Variants in NOVA1 observed in about 807,000 individuals in gnomAD.
NOVA1 encodes RNA-binding protein Nova-1.
In NOVA1, 7 loss-of-function variants were observed where a neutral mutation model predicts 38.0. That is an observed-to-expected ratio of 0.18 (90% CI 0.10 to 0.35). NOVA1 has a LOEUF of 0.35. Ranked by LOEUF, NOVA1 falls within the 10% of genes least tolerant of loss-of-function variation. The pLI is 1.00. For missense variants in NOVA1, 460 were observed against 616.0 expected (o/e 0.75, Z 2.68); for synonymous variants, 270 against 232.5 (o/e 1.16, Z -1.47).
rs1881893974 is a variant in NOVA1 at position 26,444,165 on chromosome 14, G to T, written c.*3794C>A. ...CATTAAAATTTCCAAGGAAACATAG[G>T]GCCTGTAACGTAGGGATTCCATTCA... On this transcript the variant is annotated 3_prime_UTR_variant, in exon 5 of 5. Coordinates refer to ENST00000539517, the MANE Select transcript of NOVA1 (RefSeq NM_002515.3). 6.6e-6 allele frequency: 1 copy of T among 151,718 alleles called. No individual in the cohort carries two copies. Among genetic ancestry groups the T allele is most frequent in the African/African-American group, 2.4e-5 (1 of 41,300 alleles). The allele number at this position is 151,718 out of a possible 1,614,324, so 9.4% of individuals were successfully genotyped here.
Position 26,570,068 on chromosome 14 carries a change from C to G in NOVA1, c.280+25342G>C, listed in dbSNP as rs140267044. Among the ~76,000 whole-genome samples the G allele has an allele frequency of 9.2e-5, 14 of 152,138 alleles. No individual in the cohort carries two copies. The East Asian group carries it at 2.7e-3, about 29-fold the overall frequency. ...TTCAAATAAAAGTATAAACTAAGGC[C>G]GGATGCAGTGTCTCATGCCTGTAAT... is the stretch of plus-strand genomic sequence containing the variant. On this transcript the variant is annotated intron_variant, in intron 2 of 4. Coordinates refer to ENST00000539517, the MANE Select transcript of NOVA1 (RefSeq NM_002515.3).
At chr14:26,565,143 G>A (rs1478763167) in intron 2 of NOVA1, among the ~76,000 whole-genome samples, 1 of 152,216 alleles carries the variant, frequency 6.6e-6, no homozygotes. Context: ...GTTGGTCTTC[G>A]TCTCAGAAAG....
intron 2 of NOVA1, among the ~76,000 whole-genome samples, chr14:26,510,051 CAT>C (rs1393854707): frequency 2.0e-5 from 3 of 152,080 alleles, no homozygotes; most frequent in Admixed American, 2.0e-4. Context: ...CTTGAGAAAA[CAT>C]GTACCAATAG....
intron 2 of NOVA1, among the ~76,000 whole-genome samples, chr14:26,553,840 T>C (rs1891312218): frequency 6.6e-6 from 1 of 151,934 alleles, no homozygotes; most frequent in Non-Finnish European, 1.5e-5. Context: ...AGTACTCCTC[T>C]CCCGTCCTCA....
intron 2 of NOVA1, among the ~76,000 whole-genome samples, chr14:26,583,300 C>A (rs896248583): frequency 2.6e-5 from 4 of 151,560 alleles, no homozygotes; most frequent in African/African-American, 7.2e-5. Flanking sequence ...AACATGTATG[C>A]AACTCTTAGC....
chr14:26,490,389 T>TA (rs1306657451), intron 2 of NOVA1, among the ~76,000 whole-genome samples: 1 of 152,196 alleles, frequency 6.6e-6, no homozygotes, highest in Non-Finnish European at 1.5e-5. Context: ...TGTTGACTAA[T>TA]ATGGTAATTC....
intron 2 of NOVA1, among the ~76,000 whole-genome samples, chr14:26,500,662 A>T (rs1361956702): frequency 6.6e-6 from 1 of 152,036 alleles, no homozygotes; most frequent in Non-Finnish European, 1.5e-5. Context: ...TTGGAAAAAT[A>T]TGACCATATT....
chr14:26,480,182 C>T (rs548516963), intron 2 of NOVA1, 39 bp from the exon 3 acceptor site: 1 of 1,542,918 alleles, frequency 6.5e-7, no homozygotes, highest in Non-Finnish European at 8.8e-7. Context: ...ATATTCCACA[C>T]TTTGCATTAA....
At chr14:26,587,833 G>A (rs866376180) in intron 2 of NOVA1, among the ~76,000 whole-genome samples, 1 of 150,832 alleles carries the variant, frequency 6.6e-6, no homozygotes, top group African/African-American at 2.4e-5. Flanking sequence ...CTGTGTTACT[G>A]AAATGCACTA....
At chr14:26,596,758 A>G in intron 1 of NOVA1, 1 of 1,254,290 alleles carries the variant, frequency 8.0e-7, no homozygotes, top group Non-Finnish European at 1.0e-6. Flanking sequence ...TTGCACCGAC[A>G]ATCTAAGTGC....
At chr14:26,587,890 ACAGTCT>A (rs1893626539) in intron 2 of NOVA1, among the ~76,000 whole-genome samples, 1 of 151,210 alleles carries the variant, frequency 6.6e-6, no homozygotes, top group African/African-American at 2.4e-5. Context: ...ATCTTAAAAC[ACAGTCT>A]CAGTCCAGTG....
intron 2 of NOVA1, among the ~76,000 whole-genome samples, chr14:26,501,640 C>A (rs1312159023): frequency 1.3e-5 from 2 of 151,632 alleles, no homozygotes; most frequent in East Asian, 1.9e-4. Context: ...TTGAAAAAAA[C>A]ACAGGCATTA....
chr14:26,526,452 C>T (rs1255130987), intron 2 of NOVA1, among the ~76,000 whole-genome samples: 1 of 152,022 alleles, frequency 6.6e-6, no homozygotes, highest in Non-Finnish European at 1.5e-5. Context: ...GCACTATTTT[C>T]TTTTTAGATG....
chr14:26,472,199 C>A, intron 4 of NOVA1, 121 bp downstream of exon 4: 2 of 635,236 alleles, frequency 3.1e-6, no homozygotes, highest in South Asian at 2.1e-5. Flanking sequence ...TATTTGGAAT[C>A]TGACTATGGT....
intron 2 of NOVA1, among the ~76,000 whole-genome samples, chr14:26,560,354 TTCTG>T (rs1000291552): frequency 2.0e-5 from 3 of 152,154 alleles, no homozygotes; most frequent in Non-Finnish European, 4.4e-5. Context: ...TAAATTTACT[TTCTG>T]TCTATGTCAC....
At position 26,597,507 on chromosome 14, in the gene NOVA1, C is replaced by CTTTTTTCTT. The variant is rs1894278820; in HGVS notation, c.-72_-71insAAGAAAAAA. ...GTTTTGGCTTTTTCTTTTCTTTTTT[C>CTTTTTTCTT]TTTTTTTTTTTTTTTTTTTTTTGCG... On this transcript the variant is annotated 5_prime_UTR_variant, in exon 1 of 5. Transcript: ENST00000539517. 1 of 638,024 alleles carries CTTTTTTCTT rather than the reference C, an allele frequency of 1.6e-6. No individual in the cohort carries two copies. The highest frequency in any genetic ancestry group is 2.7e-4 in the Admixed American group (1 of 3,758). 39.5% of individuals were successfully genotyped at this position (638,024 alleles called of 1,614,324 possible).
intron 2 of NOVA1, among the ~76,000 whole-genome samples, chr14:26,570,912 T>C (rs920359209): frequency 1.8e-4 from 27 of 152,070 alleles, no homozygotes; most frequent in African/African-American, 6.5e-4. Flanking sequence ...TTCTATGAAA[T>C]GTTTCTTTCA....
intron 2 of NOVA1, among the ~76,000 whole-genome samples, chr14:26,501,562 G>T (rs892992809): frequency 6.6e-6 from 1 of 151,694 alleles, no homozygotes; most frequent in African/African-American, 2.4e-5. Flanking sequence ...GAAGTATAAA[G>T]AAATAATATA....
chr14:26,566,722 T>C (rs1224560248), intron 2 of NOVA1, among the ~76,000 whole-genome samples: 7 of 152,154 alleles, frequency 4.6e-5, no homozygotes, highest in Non-Finnish European at 8.8e-5. Context: ...ATCTTCTTTC[T>C]CACTTGGCAT....
Sources: allele counts gnomAD v4.1 joint callset (sites outside exome capture counted in the v4.1 genomes callset), GRCh38; gene constraint gnomAD v4.1.1; transcripts MANE v1.5; gene names NCBI Gene and HGNC (gene_info 2026-07-23, HGNC 2026-07-21).